PTPRT: variants seen among roughly 807,000 people sequenced by gnomAD.
The protein encoded by PTPRT is protein tyrosine phosphatase receptor type T, also known as receptor-type tyrosine-protein phosphatase T.
Under a neutral mutation model 176.8 loss-of-function variants are expected in PTPRT, and 56 were observed. The observed-to-expected ratio is 0.32, with a 90% confidence interval of 0.26 to 0.40. The LOEUF (loss-of-function observed/expected upper bound fraction) is 0.40, where lower values mean the gene tolerates loss of function less well. Ranked by LOEUF, PTPRT falls within the 10% of genes least tolerant of loss-of-function variation. The pLI is 1.00. For synonymous variants in PTPRT, 783 were observed against 739.0 expected, an observed-to-expected ratio of 1.06 and a Z score of -0.96; for missense variants, 1,540 against 1,908.2, an observed-to-expected ratio of 0.81 and a Z score of 3.60.
At chr20:42,514,594 C>A (rs2072026626) in intron 7 of PTPRT, among the ~76,000 whole-genome samples, 1 of 152,114 alleles carries the variant, frequency 6.6e-6, no homozygotes, top group South Asian at 2.1e-4. Context: ...AAGAGAAATT[C>A]AACGTTTTAA....
chr20:42,941,615 T>C (rs1427639027), intron 1 of PTPRT, among the ~76,000 whole-genome samples: 1 of 152,198 alleles, frequency 6.6e-6, no homozygotes, highest in Non-Finnish European at 1.5e-5. Flanking sequence ...GACTCCACGC[T>C]ACATGTTTGT....
chr20:43,094,834 T>C (rs2012060421), intron 1 of PTPRT, among the ~76,000 whole-genome samples: 1 of 152,102 alleles, frequency 6.6e-6, no homozygotes, highest in Non-Finnish European at 1.5e-5. Flanking sequence ...TGAGTGCTAA[T>C]AAATGGACGA....
At chr20:42,045,146 T>C in the PTPRT span, among the ~76,000 whole-genome samples, 12,945 of 152,132 alleles carry the variant, frequency 0.085, 1,474 homozygotes, top group African/African-American at 0.26. Context: ...GCAACTTTAA[T>C]TTTCTTTTGC....
At chr20:42,289,561 C>A (rs1364308839) in intron 12 of PTPRT, among the ~76,000 whole-genome samples, 2 of 151,898 alleles carry the variant, frequency 1.3e-5, no homozygotes, top group South Asian at 2.1e-4. Flanking sequence ...CGGAGAAATG[C>A]AAATCAAAAC....
intron 2 of PTPRT, among the ~76,000 whole-genome samples, chr20:42,831,734 A>G (rs2078092503): frequency 6.6e-6 from 1 of 152,224 alleles, no homozygotes; most frequent in African/African-American, 2.4e-5. Context: ...CAGACACTTC[A>G]AAAGAAGACA....
intron 3 of PTPRT, among the ~76,000 whole-genome samples, chr20:42,786,005 C>T (rs2077284286): frequency 6.6e-6 from 1 of 152,208 alleles, no homozygotes; most frequent in African/African-American, 2.4e-5. Context: ...GTGGTTTTCC[C>T]CATACTGTTC....
intron 15 of PTPRT, among the ~76,000 whole-genome samples, chr20:42,212,439 A>AATCAATAG (rs1162969289): frequency 1.4e-5 from 2 of 144,066 alleles, no homozygotes; most frequent in Non-Finnish European, 3.0e-5. Context: ...AAAAAAAAAG[A>AATCAATAG]ATCAATAGTG....
At position 42,490,827 on chromosome 20, in the gene PTPRT, T is replaced by A. The variant is rs553567432; in HGVS notation, c.1154-18265A>T. Among the ~76,000 whole-genome samples, 4 of 152,200 alleles carry A rather than the reference T, an allele frequency of 2.6e-5. No homozygotes were observed. The East Asian group carries it at 5.8e-4, about 22-fold the overall frequency. ...TAATATTTGCTGTAGAATTTTGGCTTATAAACTAGCAATCTAACAAAAGTT... is the reference window on the plus strand; with the variant it reads ...TAATATTTGCTGTAGAATTTTGGCTAATAAACTAGCAATCTAACAAAAGTT... On this transcript the variant is annotated intron_variant, in intron 7 of 30. Coordinates refer to ENST00000373187, the MANE Select transcript of PTPRT (RefSeq NM_007050.6).
chr20:43,154,660 T>C lies in PTPRT; in HGVS notation c.88+34986A>G, dbSNP rs181382663. On this transcript the variant is annotated intron_variant, in intron 1 of 30. Transcript: ENST00000373187. ...TAGGAGAAAAGCTCCATGACATTGGTCTGGGCAGTGATTTTTTTGGATATG... is the reference window on the plus strand; with the variant it reads ...TAGGAGAAAAGCTCCATGACATTGGCCTGGGCAGTGATTTTTTTGGATATG... Among the ~76,000 whole-genome samples, 3 of 152,280 alleles carry C rather than the reference T, an allele frequency of 2.0e-5. No individual in the cohort carries two copies. The East Asian group carries it at 5.8e-4, about 29-fold the overall frequency.
chr20:42,328,096 C>T (rs939844098), intron 11 of PTPRT, among the ~76,000 whole-genome samples: 1 of 151,974 alleles, frequency 6.6e-6, no homozygotes, highest in African/African-American at 2.4e-5. Flanking sequence ...TTATATGATG[C>T]CTTATAAGTA....
intron 14 of PTPRT, among the ~76,000 whole-genome samples, chr20:42,247,232 T>A (rs1355210717): frequency 6.6e-6 from 1 of 152,116 alleles, no homozygotes; most frequent in African/African-American, 2.4e-5. Flanking sequence ...CAAGAAGAAA[T>A]GTCCTCACAG....
At chr20:42,357,576 T>C (rs774746487) in intron 9 of PTPRT, among the ~76,000 whole-genome samples, 3 of 152,166 alleles carry the variant, frequency 2.0e-5, no homozygotes, top group Admixed American at 6.5e-5. Context: ...AGACAAGCCA[T>C]TGTTTTGGAA....
chr20:42,825,549 G>A (rs2077977624), intron 2 of PTPRT, among the ~76,000 whole-genome samples: 1 of 152,082 alleles, frequency 6.6e-6, no homozygotes, highest in Non-Finnish European at 1.5e-5. Context: ...ATGAGCATAT[G>A]CATACACATG....
chr20:42,642,496 G>A (rs1489444126), intron 7 of PTPRT, among the ~76,000 whole-genome samples: 2 of 152,050 alleles, frequency 1.3e-5, no homozygotes, highest in East Asian at 1.9e-4. Flanking sequence ...ATAATAATGT[G>A]AATAATAATG....
intron 1 of PTPRT, among the ~76,000 whole-genome samples, chr20:43,171,789 T>C (rs1286480749): frequency 6.6e-6 from 1 of 152,120 alleles, no homozygotes; most frequent in Admixed American, 6.5e-5. Flanking sequence ...ACACTGCTGG[T>C]CCAGGGGCCA....
intron 15 of PTPRT, among the ~76,000 whole-genome samples, chr20:42,218,090 T>C (rs1449999293): frequency 6.6e-6 from 1 of 152,196 alleles, no homozygotes; most frequent in African/African-American, 2.4e-5. Flanking sequence ...TAATAGCAAA[T>C]GATCGGTTAA....
chr20:42,321,295 A>G (rs1260277242), intron 11 of PTPRT, among the ~76,000 whole-genome samples: 1 of 152,168 alleles, frequency 6.6e-6, no homozygotes, highest in Non-Finnish European at 1.5e-5. Context: ...CAGAATGCTT[A>G]TTCCTTGGCT....
intron 1 of PTPRT, among the ~76,000 whole-genome samples, chr20:43,135,287 ACTT>A (rs2146388540): frequency 6.6e-6 from 1 of 152,338 alleles, no homozygotes; most frequent in East Asian, 1.9e-4. Context: ...ATGTTTGAAC[ACTT>A]CTTAAGAAAA....
chr20:42,064,745 G>T, the PTPRT span, among the ~76,000 whole-genome samples: 12 of 152,256 alleles, frequency 7.9e-5, no homozygotes, highest in East Asian at 2.1e-3. Flanking sequence ...AATTGTGGTG[G>T]TCTTAAAACA....
Sources: gnomAD v4.1 joint callset for allele counts (sites outside exome capture counted in the v4.1 genomes callset) on GRCh38, gnomAD v4.1.1 for gene constraint, MANE v1.5 for transcripts, NCBI Gene and HGNC (gene_info 2026-07-23, HGNC 2026-07-21) for gene names.